Variants in SLC30A8 observed in about 807,000 individuals in gnomAD.
SLC30A8 encodes solute carrier family 30 member 8.
Under a neutral mutation model 36.9 loss-of-function variants are expected in SLC30A8, and 27 were observed. That is an observed-to-expected ratio of 0.73 (90% CI 0.54 to 1.01). The LOEUF (loss-of-function observed/expected upper bound fraction) is 1.01, where lower values mean the gene tolerates loss of function less well. SLC30A8 is among the 50% of genes least tolerant of loss of function. The pLI, the probability that SLC30A8 is intolerant of heterozygous loss-of-function variation, is 0.00. For synonymous variants in SLC30A8, 164 were observed against 172.4 expected, an observed-to-expected ratio of 0.95 and a Z score of 0.38; for missense variants, 439 against 452.0, an observed-to-expected ratio of 0.97 and a Z score of 0.26.
chr8:117,122,989 GT>G (rs1238075484), intron 2 of SLC30A8, among the ~76,000 whole-genome samples: 1 of 152,028 alleles, frequency 6.6e-6, no homozygotes, highest in African/African-American at 2.4e-5. Context: ...AGAGGAACCA[GT>G]TGGACTTATT....
intron 1 of SLC30A8, among the ~76,000 whole-genome samples, chr8:116,977,595 T>C (rs1331956050): frequency 6.8e-6 from 1 of 147,326 alleles, no homozygotes; most frequent in African/African-American, 2.5e-5. Flanking sequence ...CACTGCAACC[T>C]CCGCCTCCCG....
At chr8:117,104,367 A>G (rs1819877326) in intron 2 of SLC30A8, among the ~76,000 whole-genome samples, 1 of 152,166 alleles carries the variant, frequency 6.6e-6, no homozygotes, top group African/African-American at 2.4e-5. Flanking sequence ...CTACCCAACA[A>G]CAGACTACAA....
Position 117,096,416 on chromosome 8 carries a change from G to T in SLC30A8, c.-225-38864G>T, listed in dbSNP as rs115271592. 2.8e-3 allele frequency among the ~76,000 whole-genome samples: 428 copies of T among 152,214 alleles called. 1 individual carries two copies. Among genetic ancestry groups the T allele is most frequent in the African/African-American group, 9.5e-3 (394 of 41,524 alleles). ...TTGCTGTTCCACATCTCACATGCCT[G>T]CCTTGCTTGATGAATGGAACCCAAT... On this transcript the variant is annotated intron_variant, in intron 2 of 10. Transcript: ENST00000427715.
chr8:117,110,887 A>C (rs1249519571), intron 2 of SLC30A8, among the ~76,000 whole-genome samples: 1 of 152,186 alleles, frequency 6.6e-6, no homozygotes, highest in Non-Finnish European at 1.5e-5. Flanking sequence ...AGAGGAGGAC[A>C]CCAAGGTTAG....
intron 6 of SLC30A8, among the ~76,000 whole-genome samples, chr8:117,165,279 A>G (rs1215739292): frequency 6.6e-6 from 1 of 152,210 alleles, no homozygotes; most frequent in African/African-American, 2.4e-5. Flanking sequence ...TATGTCTAGA[A>G]CACAGTAGGA....
At chr8:117,049,080 G>A (rs910535656) in intron 2 of SLC30A8, among the ~76,000 whole-genome samples, 1 of 152,178 alleles carries the variant, frequency 6.6e-6, no homozygotes, top group Non-Finnish European at 1.5e-5. Flanking sequence ...TAGCATTTTA[G>A]AATGGATTAA....
intron 2 of SLC30A8, among the ~76,000 whole-genome samples, chr8:117,101,544 G>A (rs1385410524): frequency 2.0e-5 from 3 of 152,150 alleles, no homozygotes; most frequent in African/African-American, 7.2e-5. Flanking sequence ...TGATGTGATG[G>A]TTAATAGTGC....
At chr8:117,138,414 T>G (rs1821471649) in intron 1 of SLC30A8, among the ~76,000 whole-genome samples, 1 of 152,062 alleles carries the variant, frequency 6.6e-6, no homozygotes, top group South Asian at 2.1e-4. Flanking sequence ...TCTGCTCCAT[T>G]AACCTCTGTT....
At chr8:117,114,399 C>T (rs1820356321) in intron 2 of SLC30A8, among the ~76,000 whole-genome samples, 1 of 151,984 alleles carries the variant, frequency 6.6e-6, no homozygotes, top group African/African-American at 2.4e-5. Context: ...AGGGAGTATA[C>T]TTGGTGAACT....
At position 117,143,188 on chromosome 8, in the gene SLC30A8, C is replaced by A. The variant is rs148982401; in HGVS notation, c.72-3766C>A. The stretch of plus-strand genomic sequence containing the variant: ...AAACATTAAAAAATAAAAGCTTCTC[C>A]AAGATTGCAAAAATAAAGTCCCATT... On this transcript the variant is annotated intron_variant, in intron 1 of 7. Coordinates refer to ENST00000456015, the MANE Select transcript of SLC30A8 (RefSeq NM_173851.3). 5.3e-4 allele frequency among the ~76,000 whole-genome samples: 80 copies of A among 152,228 alleles called. 1 individual carries two copies. Among genetic ancestry groups the A allele is most frequent in the Admixed American group, 3.6e-3 (55 of 15,288 alleles).
intron 2 of SLC30A8, among the ~76,000 whole-genome samples, chr8:117,080,929 T>C (rs890772744): frequency 6.6e-6 from 1 of 152,200 alleles, no homozygotes; most frequent in Non-Finnish European, 1.5e-5. Flanking sequence ...CCCACAGTGG[T>C]TGGACTAATT....
At chr8:117,030,394 G>T (rs1817005710) in intron 1 of SLC30A8, among the ~76,000 whole-genome samples, 1 of 152,092 alleles carries the variant, frequency 6.6e-6, no homozygotes, top group Non-Finnish European at 1.5e-5. Context: ...TCTCAGTTAT[G>T]GTTCCCATGA....
chr8:117,076,153 G>A (rs981763779), intron 2 of SLC30A8, among the ~76,000 whole-genome samples: 1 of 152,124 alleles, frequency 6.6e-6, no homozygotes, highest in Non-Finnish European at 1.5e-5. Flanking sequence ...CCTTCAGCTA[G>A]AGTTCCTTAG....
intron 2 of SLC30A8, among the ~76,000 whole-genome samples, chr8:117,046,210 G>T (rs1817544962): frequency 1.3e-5 from 2 of 152,214 alleles, no homozygotes; most frequent in Non-Finnish European, 2.9e-5. Flanking sequence ...GCAGTTTACT[G>T]TTGGCTTTGG....
chr8:117,018,573 G>C (rs1183105383), intron 1 of SLC30A8, among the ~76,000 whole-genome samples: 1 of 151,900 alleles, frequency 6.6e-6, no homozygotes, highest in Non-Finnish European at 1.5e-5. Context: ...GTGTTGGATA[G>C]CTACACTGTG....
chr8:116,957,244 T>G (rs888110561), intron 1 of SLC30A8, among the ~76,000 whole-genome samples: 1 of 152,174 alleles, frequency 6.6e-6, no homozygotes, highest in Non-Finnish European at 1.5e-5. Context: ...TAAAGGGCTA[T>G]TATGGGCAGC....
chr8:117,167,855 T>A (rs922584332), intron 6 of SLC30A8, among the ~76,000 whole-genome samples: 1 of 152,048 alleles, frequency 6.6e-6, no homozygotes. Flanking sequence ...TTTTCACTGC[T>A]CATAAAGACA....
chr8:117,127,225 G>A (rs774767018), intron 2 of SLC30A8, among the ~76,000 whole-genome samples: 1 of 123,262 alleles, frequency 8.1e-6, no homozygotes, highest in Non-Finnish European at 1.6e-5. Context: ...GAAGTCTCAT[G>A]TGGAAGTTCT....
At chr8:116,999,001 C>T (rs1334735931) in intron 1 of SLC30A8, among the ~76,000 whole-genome samples, 4 of 152,160 alleles carry the variant, frequency 2.6e-5, no homozygotes, top group African/African-American at 4.8e-5. Flanking sequence ...TGGTGGCACA[C>T]GCCACCCAGC....
Sources: allele counts gnomAD v4.1 joint callset (sites outside exome capture counted in the v4.1 genomes callset), GRCh38; gene constraint gnomAD v4.1.1; transcripts MANE v1.5; gene names NCBI Gene and HGNC (gene_info 2026-07-23, HGNC 2026-07-21).